The following HSPG2 variants were observed in gnomAD, a reference collection of about 807,000 sequenced individuals.
The protein encoded by HSPG2 is basement membrane-specific heparan sulfate proteoglycan core protein.
A neutral mutation model predicts 526.6 loss-of-function variants in HSPG2; 278 were observed. The ratio of observed to expected loss-of-function variants is 0.53; its 90% confidence interval spans 0.48 to 0.58. The LOEUF is 0.58. Among genes scored for constraint, HSPG2 ranks in the 20% least tolerant of loss-of-function variants. The pLI, the probability that HSPG2 is intolerant of heterozygous loss-of-function variation, is 0.00. For synonymous variants in HSPG2, 2,465 were observed against 2,555.4 expected, an observed-to-expected ratio of 0.96 and a Z score of 1.07; for missense variants, 5,354 against 6,099.5, an observed-to-expected ratio of 0.88 and a Z score of 4.07.
rs1642871978 is a variant in HSPG2 at position 21,898,031 on chromosome 1, T to C, written c.64-1721A>G. On this transcript the variant is annotated intron_variant, in intron 1 of 96. Transcript: ENST00000374695. The surrounding 1 kb of genome is among the most constrained non-coding windows in gnomAD (Gnocchi z 4.0). ...AGGCAAGGGCTGTGATGAATTCATC[T>C]CCACCTTTTCTGCACCCTGTGCTCA... Among the ~76,000 whole-genome samples the C allele has an allele frequency of 1.3e-5, 2 of 152,188 alleles. No homozygotes were observed. The highest frequency in any genetic ancestry group is 2.9e-5 in the Non-Finnish European group (2 of 68,044).
chr1:21,934,847 G>A (rs1436426488), intron 1 of HSPG2, among the ~76,000 whole-genome samples: 1 of 152,000 alleles, frequency 6.6e-6, no homozygotes, highest in Non-Finnish European at 1.5e-5. Flanking sequence ...CGCTCGCCTC[G>A]GCCTCCCAAA....
In HSPG2 at chr1:21,828,227, C is replaced by T; in HGVS notation, c.12409+28G>A. On this transcript the variant is annotated intron_variant, in intron 89 of 96. Transcript: ENST00000374695. This position sits in a 1 kb window ranked among gnomAD's most constrained non-coding sequence, Gnocchi z 6.0. ...GTCGCTGACCACCTGTGCCCCTCCC[C>T]TCCGGTGCCCTGGGCAGGCTTTCCC... 9.9e-6 allele frequency: 16 copies of T among 1,613,288 alleles called. No homozygotes were observed. Among genetic ancestry groups the T allele is most frequent in the Non-Finnish European group, 1.4e-5 (16 of 1,179,940 alleles).
intron 1 of HSPG2, among the ~76,000 whole-genome samples, chr1:21,914,199 C>A (rs1244795175): frequency 6.6e-6 from 1 of 152,134 alleles, no homozygotes; most frequent in Non-Finnish European, 1.5e-5. Context: ...TAAATTAATA[C>A]CCCAAATATA....
At position 21,828,999 on chromosome 1, in the gene HSPG2, C is replaced by T. The variant is rs755625592; in HGVS notation, c.12073G>A (p.Gly4025Ser). The T allele has an allele frequency of 1.1e-5, 17 of 1,568,240 alleles. No homozygotes were observed. The highest frequency in any genetic ancestry group is 1.7e-4 in the Middle Eastern group (1 of 5,882). The change falls in exon 88 of 97, where the codon GGC becomes AGC. Residue 4025 changes from glycine to serine, a missense_variant. Transcript: ENST00000374695. The surrounding 1 kb of genome is among the most constrained non-coding windows in gnomAD (Gnocchi z 6.0). ...CGTCCACCATTCACCCGCAGGCTGC[C>T]GTCCTTGTTGAGACGCTCTGCAGAC... ...RVSAERLNKD[G>S]SLRVNGGRPV...
intron 1 of HSPG2, among the ~76,000 whole-genome samples, chr1:21,926,623 C>T (rs1644198569): frequency 6.6e-6 from 1 of 151,864 alleles, no homozygotes; most frequent in African/African-American, 2.4e-5. Context: ...CGTGGTAGTG[C>T]ATGCCTGTAA....
intron 1 of HSPG2, among the ~76,000 whole-genome samples, chr1:21,929,662 T>C (rs897600808): frequency 6.6e-6 from 1 of 151,640 alleles, no homozygotes; most frequent in Non-Finnish European, 1.5e-5. Flanking sequence ...TTAACTGTTC[T>C]GAGAATTCTG....
intron 1 of HSPG2, among the ~76,000 whole-genome samples, chr1:21,905,362 G>A (rs1321143759): frequency 2.6e-5 from 4 of 152,134 alleles, no homozygotes; most frequent in Admixed American, 2.0e-4. Context: ...CTCAATAGTC[G>A]TCAAACACAC....
At position 21,898,154 on chromosome 1, in the gene HSPG2, C is replaced by T. The variant is rs1282350550; in HGVS notation, c.64-1844G>A. The stretch of plus-strand genomic sequence containing the variant: ...GTGAAGATGACTTGCTTTGGGGAGG[C>T]ACTACCTACCTCTGTGCAATCTATA... On this transcript the variant is annotated intron_variant, in intron 1 of 96. Coordinates refer to ENST00000374695, the MANE Select transcript of HSPG2 (RefSeq NM_005529.7). The surrounding 1 kb of genome is among the most constrained non-coding windows in gnomAD (Gnocchi z 4.0). Among the ~76,000 whole-genome samples the T allele has an allele frequency of 6.6e-6, 1 of 152,216 alleles. No individual in the cohort carries two copies. The highest frequency in any genetic ancestry group is 1.5e-5 in the Non-Finnish European group (1 of 68,030).
At chr1:21,911,477 G>C (rs1454658074) in intron 1 of HSPG2, among the ~76,000 whole-genome samples, 5 of 152,102 alleles carry the variant, frequency 3.3e-5, no homozygotes, top group African/African-American at 9.7e-5. Context: ...GGGTGTGGAG[G>C]GGGTGGGCGG....
chr1:21,837,944 T>C (rs1479643025), intron 74 of HSPG2, among the ~76,000 whole-genome samples: 1 of 151,918 alleles, frequency 6.6e-6, no homozygotes, highest in Non-Finnish European at 1.5e-5. Context: ...GAGACCAGCC[T>C]GGCCAACATG....
intron 85 of HSPG2, chr1:21,830,468 C>A (rs2097997844): frequency 9.2e-6 from 3 of 324,424 alleles, no homozygotes; most frequent in Non-Finnish European, 1.8e-5. Context: ...GGGTGGATCA[C>A]CTGAGGTCAG....
chr1:21,827,961 C>A (rs760174481), intron 90 of HSPG2, 42 bp from the exon 91 acceptor site: 8 of 1,609,762 alleles, frequency 5.0e-6, no homozygotes, highest in Non-Finnish European at 6.8e-6. Flanking sequence ...CATAGACACC[C>A]GTGGGTACTA....
Position 21,849,295 on chromosome 1 carries a change from G to C in HSPG2, c.7447-264C>G, listed in dbSNP as rs1572216838. Among the ~76,000 whole-genome samples, 5 of 152,322 alleles carry C rather than the reference G, an allele frequency of 3.3e-5. No individual in the cohort carries two copies. The Middle Eastern group carries it at 0.014, about 414-fold the overall frequency. ...CCAGTGTTTGTTGACATGCTACAGG[G>C]GAGATGAGGTAGGCAGCATGAGCCC... On this transcript the variant is annotated intron_variant, in intron 57 of 96. Coordinates refer to ENST00000374695, the MANE Select transcript of HSPG2 (RefSeq NM_005529.7).
chr1:21,916,792 G>A (rs933329653), intron 1 of HSPG2, among the ~76,000 whole-genome samples: 1 of 152,056 alleles, frequency 6.6e-6, no homozygotes, highest in African/African-American at 2.4e-5. Flanking sequence ...ATATCAGACA[G>A]TGCAGATTAT....
At position 21,880,548 on chromosome 1, in the gene HSPG2, G is replaced by C. The variant is rs779916399; in HGVS notation, c.2010C>G (p.Val670=). The stretch of plus-strand genomic sequence containing the variant: ...GCTGCACCGGCCGGCCAGACTCATG[G>C]ACCCAGTGCTCCTGGGTATGGGTGA... ...RQVQFSEEHW[V]HESGRPVQRA... is the part of the protein sequence containing the mutation. The change falls in exon 16 of 97, where the codon GTC becomes GTG. Residue 670 remains valine, a synonymous_variant. Coordinates refer to ENST00000374695, the MANE Select transcript of HSPG2 (RefSeq NM_005529.7). The C allele has an allele frequency of 5.0e-6, 8 of 1,613,538 alleles. No individual in the cohort carries two copies. In the Admixed American group the frequency reaches 1.3e-4, roughly 27 times the overall value.
rs759862480 is a variant in HSPG2 at position 21,843,435 on chromosome 1, G to A, written c.8620C>T (p.His2874Tyr). The A allele has an allele frequency of 1.2e-6, 2 of 1,611,780 alleles. No homozygotes were observed. The highest frequency in any genetic ancestry group is 1.7e-6 in the Non-Finnish European group (2 of 1,178,646). Reference sequence around the variant, plus strand: ...TGGTTCAGCCTCAGCAGTGGGCCGTGGACCTGGCCAAGGTGGGGTGAGAGC... The same window carrying A: ...TGGTTCAGCCTCAGCAGTGGGCCGTAGACCTGGCCAAGGTGGGGTGAGAGC... ...GGNLPARHQV[H>Y]GPLLRLNQVS... is the part of the protein sequence containing the mutation. Residue 2874 changes from histidine (H) to tyrosine (Y), a missense_variant, in exon 66 of 97, where the codon CAC (histidine) becomes TAC (tyrosine). Transcript: ENST00000374695.
chr1:21,875,482 G>A (rs1572324302), intron 25 of HSPG2, 147 bp downstream of exon 25: 18 of 717,950 alleles, frequency 2.5e-5, no homozygotes, highest in Non-Finnish European at 4.0e-5. Context: ...CTGTATGGGA[G>A]ACATTGTTAA....
intron 91 of HSPG2, 28 bp downstream of exon 91, chr1:21,827,835 T>TG (rs1210485442): frequency 1.9e-6 from 3 of 1,566,500 alleles, no homozygotes; most frequent in Non-Finnish European, 2.6e-6. Flanking sequence ...GAGCTGAAGC[T>TG]GGGGAGGAGG....
At position 21,904,673 on chromosome 1, in the gene HSPG2, G is replaced by T. The variant is rs776509693; in HGVS notation, c.64-8363C>A. ...TTGCCTCACCCATGTGCCAGGTGTG[G>T]CCAAGGCGGTGGGGGTGGCCTAAGC... On this transcript the variant is annotated intron_variant, in intron 1 of 96. Transcript: ENST00000374695. This position sits in a 1 kb window ranked among gnomAD's most constrained non-coding sequence, Gnocchi z 4.4. Among the ~76,000 whole-genome samples, 6 of 152,206 alleles carry T rather than the reference G, an allele frequency of 3.9e-5. No individual in the cohort carries two copies. Among genetic ancestry groups the T allele is most frequent in the Non-Finnish European group, 7.4e-5 (5 of 68,024 alleles).
Sources: allele counts gnomAD v4.1 joint callset (sites outside exome capture counted in the v4.1 genomes callset), GRCh38; gene constraint gnomAD v4.1.1; non-coding constraint Gnocchi (gnomAD v3.1); transcripts MANE v1.5; gene names NCBI Gene and HGNC (gene_info 2026-07-23, HGNC 2026-07-21).